The following FAT3 variants were observed in gnomAD, a reference collection of about 807,000 sequenced individuals.
FAT3 encodes the protein protocadherin Fat 3.
In FAT3, 95 loss-of-function variants were observed where a neutral mutation model predicts 310.2. The ratio of observed to expected loss-of-function variants is 0.31; its 90% CI spans 0.26 to 0.36. The LOEUF (loss-of-function observed/expected upper bound fraction) is 0.36, where lower values mean the gene tolerates loss of function less well. Among genes scored for constraint, FAT3 ranks in the 10% least tolerant of loss-of-function variants. The pLI, the probability that FAT3 is intolerant of heterozygous loss-of-function variation, is 1.00. For synonymous variants in FAT3, 2,314 were observed against 2,192.9 expected (o/e 1.06, Z -1.54); for missense variants, 5,408 against 5,715.6 (o/e 0.95, Z 1.74).
At chr11:92,496,510 C>A (rs568617760) in intron 2 of FAT3, among the ~76,000 whole-genome samples, 6 of 152,126 alleles carry the variant, frequency 3.9e-5, no homozygotes, top group Admixed American at 2.6e-4. Context: ...TTCACACATG[C>A]CCAAATCAGA....
intron 2 of FAT3, among the ~76,000 whole-genome samples, chr11:92,385,964 G>A (rs146130676): frequency 6.6e-4 from 100 of 152,078 alleles, no homozygotes; most frequent in African/African-American, 2.2e-3. Context: ...TGGGCAACGC[G>A]GTGACACCCC....
chr11:92,834,701 C>T (rs935145269), intron 14 of FAT3, among the ~76,000 whole-genome samples, 169 bp from the exon 15 acceptor site: 5 of 152,212 alleles, frequency 3.3e-5, no homozygotes, highest in Admixed American at 3.3e-4. Flanking sequence ...CTCTCACTGA[C>T]AGCATTAATC....
chr11:92,259,571 A>G (rs1865454467), intron 1 of FAT3, among the ~76,000 whole-genome samples: 1 of 131,504 alleles, frequency 7.6e-6, no homozygotes, highest in Admixed American at 7.0e-5. Context: ...ATAAAAATAA[A>G]TAAAAAAAGG....
chr11:92,764,455 G>A lies in FAT3; in HGVS notation c.3985-424G>A, dbSNP rs557400253. On this transcript the variant is annotated intron_variant, in intron 5 of 27. Transcript: ENST00000525166. Reference sequence around the variant, plus strand: ...CACATGCACACACACACTTCTGCACGTATCATTCACACATATATAAGGTTT... The same window carrying A: ...CACATGCACACACACACTTCTGCACATATCATTCACACATATATAAGGTTT... 2.3e-4 allele frequency among the ~76,000 whole-genome samples: 35 copies of A among 152,150 alleles called. No individual in the cohort carries two copies. In the South Asian group the frequency reaches 3.7e-3, roughly 16 times the overall value.
chr11:92,738,388 A>G (rs1480671556), intron 4 of FAT3, among the ~76,000 whole-genome samples: 1 of 152,192 alleles, frequency 6.6e-6, no homozygotes, highest in African/African-American at 2.4e-5. Flanking sequence ...TTTTAGCCTG[A>G]CTACTTTTGC....
chr11:92,508,591 T>C (rs1176237664), intron 2 of FAT3, among the ~76,000 whole-genome samples: 2 of 152,322 alleles, frequency 1.3e-5, no homozygotes, highest in South Asian at 2.1e-4. Context: ...TATTTTGTCC[T>C]GTCTGGCATA....
intron 1 of FAT3, among the ~76,000 whole-genome samples, chr11:92,329,587 G>A (rs1947854865): frequency 6.6e-6 from 1 of 151,032 alleles, no homozygotes; most frequent in Non-Finnish European, 1.5e-5. Flanking sequence ...TGCTAGTCAC[G>A]TGGAATATGT....
At chr11:92,276,118 T>C (rs1202382) in intron 1 of FAT3, among the ~76,000 whole-genome samples, 85,544 of 152,074 alleles carry the variant, frequency 0.56, 24,259 homozygotes, top group Non-Finnish European at 0.58. Context: ...CATGGGCAAA[T>C]AGTCCCGAAC....
chr11:92,519,840 T>C (rs1260560652), intron 2 of FAT3, among the ~76,000 whole-genome samples: 2 of 152,122 alleles, frequency 1.3e-5, no homozygotes, highest in African/African-American at 4.8e-5. Flanking sequence ...CCCATTAGAA[T>C]ATCTACATTT....
At position 92,798,383 on chromosome 11, in the gene FAT3, C is replaced by A. The variant is rs1485046084; in HGVS notation, c.5370C>A (p.Ser1790Arg). 3.8e-5 allele frequency: 61 copies of A among 1,613,170 alleles called. No individual in the cohort carries two copies. The highest frequency in any genetic ancestry group is 4.7e-5 in the Non-Finnish European group (56 of 1,179,742). The stretch of plus-strand genomic sequence containing the variant: ...CCCCAATTAATAGCATTGTCAGGAG[C>A]TTGGATAACAGCCCACTGGTGATTC... ...EAAPINSIVR[S>R]LDNSPLVIRA... The change falls in exon 10 of 28, where the codon AGC becomes AGA. Residue 1790 changes from serine (S) to arginine (R), a missense_variant. Physicochemically the swap from Ser to Arg is moderately radical, Grantham distance 110. Transcript: ENST00000525166.
At chr11:92,434,532 AG>A (rs1950882317) in intron 2 of FAT3, among the ~76,000 whole-genome samples, 1 of 152,102 alleles carries the variant, frequency 6.6e-6, no homozygotes, top group Admixed American at 6.5e-5. Flanking sequence ...AGTGGGATTT[AG>A]GGGACTGAAA....
At chr11:92,570,468 A>G (rs953916407) in intron 3 of FAT3, among the ~76,000 whole-genome samples, 14 of 152,220 alleles carry the variant, frequency 9.2e-5, no homozygotes, top group Non-Finnish European at 1.8e-4. Flanking sequence ...ATTTGAGAAC[A>G]TATGCACAAG....
chr11:92,527,621 C>A (rs1443733205), intron 3 of FAT3, among the ~76,000 whole-genome samples: 2 of 152,172 alleles, frequency 1.3e-5, no homozygotes, highest in Non-Finnish European at 2.9e-5. Flanking sequence ...AACTCCAAGT[C>A]TGGTGAAATT....
Position 92,837,813 on chromosome 11 carries a change from A to G in FAT3, c.10368+7A>G. The G allele has an allele frequency of 6.2e-7, 1 of 1,613,900 alleles. No homozygotes were observed. The highest frequency in any genetic ancestry group is 1.1e-5 in the South Asian group (1 of 91,068). The stretch of plus-strand genomic sequence containing the variant: ...CTATACTGCTGTGATTCAGGTGAGA[A>G]AATCTTGCCTGCCAAGCACTTGTCC... On this transcript the variant is annotated splice_region_variant and intron_variant, in intron 17 of 27. Coordinates refer to ENST00000525166, the MANE Select transcript of FAT3 (RefSeq NM_001367949.2).
chr11:92,599,693 A>C (rs866993942), intron 3 of FAT3, among the ~76,000 whole-genome samples: 8 of 152,194 alleles, frequency 5.3e-5, no homozygotes, highest in Admixed American at 5.2e-4. Flanking sequence ...GTTTCCTAAG[A>C]AAATAGTTTC....
chr11:92,414,873 G>T (rs2134945981), intron 2 of FAT3, among the ~76,000 whole-genome samples: 1 of 152,188 alleles, frequency 6.6e-6, no homozygotes, highest in African/African-American at 2.4e-5. Flanking sequence ...AGCCGGGCTT[G>T]GTGGCAGGCG....
At chr11:92,674,674 C>T (rs1943232716) in intron 3 of FAT3, among the ~76,000 whole-genome samples, 9 of 152,032 alleles carry the variant, frequency 5.9e-5, no homozygotes, top group Admixed American at 5.9e-4. Context: ...AGGCATGCTC[C>T]ACCATGCCCA....
chr11:92,356,754 G>A (rs1948742968), intron 2 of FAT3, among the ~76,000 whole-genome samples: 1 of 152,110 alleles, frequency 6.6e-6, no homozygotes, highest in South Asian at 2.1e-4. Flanking sequence ...CATACATTCA[G>A]TTCATAACAG....
intron 1 of FAT3, among the ~76,000 whole-genome samples, chr11:92,341,557 C>G (rs1373971352): frequency 1.3e-5 from 2 of 152,234 alleles, no homozygotes; most frequent in African/African-American, 4.8e-5. Context: ...ACAAGACTGA[C>G]AAGATTTCTG....
Sources: allele counts gnomAD v4.1 joint callset (sites outside exome capture counted in the v4.1 genomes callset), GRCh38; gene constraint gnomAD v4.1.1; transcripts MANE v1.5; gene names NCBI Gene and HGNC (gene_info 2026-07-23, HGNC 2026-07-21).